PAK1: variants seen among roughly 807,000 people sequenced by gnomAD.
The protein encoded by PAK1 is serine/threonine-protein kinase PAK 1.
PAK1 carries 29 observed loss-of-function variants against 67.4 expected under a neutral mutation model. The observed-to-expected ratio is 0.43, with a 90% CI of 0.32 to 0.59. The LOEUF (loss-of-function observed/expected upper bound fraction) is 0.59, where lower values mean the gene tolerates loss of function less well. Ranked by LOEUF, PAK1 falls within the 20% of genes least tolerant of loss-of-function variation. The pLI is 0.07. For synonymous variants in PAK1, 223 were observed against 237.4 expected (o/e 0.94, Z 0.56); for missense variants, 337 against 670.7 (o/e 0.50, Z 5.50).
intron 1 of PAK1, among the ~76,000 whole-genome samples, chr11:77,449,267 C>G (rs940537720): frequency 6.6e-6 from 1 of 152,150 alleles, no homozygotes; most frequent in Non-Finnish European, 1.5e-5. Context: ...CTAGCCCACA[C>G]AGAAACAGCT....
chr11:77,405,674 GACACACACACACACACACAC>G (rs1555167119), intron 1 of PAK1, among the ~76,000 whole-genome samples: 1 of 125,892 alleles, frequency 7.9e-6, no homozygotes, highest in South Asian at 2.5e-4. Flanking sequence ...CAGACAGACA[GACACACACACACACACACAC>G]ACACACACAC....
intron 1 of PAK1, among the ~76,000 whole-genome samples, chr11:77,404,961 C>A (rs1953263658): frequency 6.6e-6 from 1 of 152,088 alleles, no homozygotes; most frequent in Admixed American, 6.5e-5. Context: ...AATATCAAGT[C>A]CACGTGTATG....
At chr11:77,506,486 C>T in the PAK1 span, among the ~76,000 whole-genome samples, 1 of 152,146 alleles carries the variant, frequency 6.6e-6, no homozygotes, top group Admixed American at 6.5e-5. Context: ...TTTTAGCTGG[C>T]AGGCCCACTG....
intron 1 of PAK1, among the ~76,000 whole-genome samples, chr11:77,436,202 C>A (rs531638): frequency 6.6e-6 from 1 of 151,944 alleles, no homozygotes; most frequent in Non-Finnish European, 1.5e-5. Flanking sequence ...TGTTTCTCAG[C>A]AGACACTTAC....
chr11:77,443,325 G>T (rs917685899), intron 1 of PAK1, among the ~76,000 whole-genome samples: 3 of 134,536 alleles, frequency 2.2e-5, no homozygotes, highest in Non-Finnish European at 4.9e-5. Context: ...AAAAAAAAAA[G>T]AATTATACAA....
chr11:77,518,018 T>C, the PAK1 span, among the ~76,000 whole-genome samples: 1 of 152,216 alleles, frequency 6.6e-6, no homozygotes, highest in African/African-American at 2.4e-5. Flanking sequence ...GTGTGGCCTC[T>C]CTAGATTATT....
chr11:77,519,529 A>T, the PAK1 span, among the ~76,000 whole-genome samples: 1 of 152,210 alleles, frequency 6.6e-6, no homozygotes, highest in African/African-American at 2.4e-5. Context: ...AACACTGATC[A>T]GTGGTTCCAG....
At chr11:77,364,143 G>A (rs932507448) in intron 5 of PAK1, among the ~76,000 whole-genome samples, 8 of 152,206 alleles carry the variant, frequency 5.3e-5, no homozygotes, top group African/African-American at 1.7e-4. Flanking sequence ...GCTGTTCACA[G>A]GCACAGCAGA....
chr11:77,329,532 C>A (rs1202248168), intron 14 of PAK1, among the ~76,000 whole-genome samples: 1 of 152,144 alleles, frequency 6.6e-6, no homozygotes, highest in East Asian at 1.9e-4. Flanking sequence ...AAGACAAAAA[C>A]CACATGATTA....
intron 2 of PAK1, among the ~76,000 whole-genome samples, chr11:77,384,579 G>A (rs1321887709): frequency 6.6e-6 from 1 of 152,216 alleles, no homozygotes; most frequent in Non-Finnish European, 1.5e-5. Context: ...GAAGAGAAAT[G>A]AAGTCCTGAT....
At chr11:77,379,816 G>T in intron 3 of PAK1, 78 bp downstream of exon 3, 1 of 958,550 alleles carries the variant, frequency 1.0e-6, no homozygotes, top group Non-Finnish European at 1.6e-6. Context: ...GCATCAGGAA[G>T]ATGAGAAAGG....
At position 77,337,402 on chromosome 11, in the gene PAK1, A is replaced by G. The variant is rs1382265812; in HGVS notation, c.1138T>C (p.Leu380=). ...CTGTGAATGACCTGGTTCGAATGCAAGAACTCCAGAGCCTGCAGACACTAT... is the reference window on the plus strand; with the variant it reads ...CTGTGAATGACCTGGTTCGAATGCAGGAACTCCAGAGCCTGCAGACACTAT... ...CRECLQALEF[L]HSNQVIHRDI... Residue 380 remains leucine, a synonymous_variant, in exon 12 of 15, where the codon TTG becomes CTG. Coordinates refer to ENST00000356341, the MANE Select transcript of PAK1 (RefSeq NM_002576.5). 1.2e-6 allele frequency: 2 copies of G among 1,607,408 alleles called. No individual in the cohort carries two copies. Among genetic ancestry groups the G allele is most frequent in the East Asian group, 2.2e-5 (1 of 44,832 alleles).
At chr11:77,349,146 G>T in intron 9 of PAK1, 93 bp downstream of exon 9, 664 of 645,084 alleles carry the variant, frequency 1.0e-3, no homozygotes, top group Non-Finnish European at 1.5e-3. Context: ...AAAAAACCTA[G>T]AACTGTTCCT....
At chr11:77,501,532 G>T in the PAK1 span, among the ~76,000 whole-genome samples, 3 of 152,160 alleles carry the variant, frequency 2.0e-5, no homozygotes, top group Non-Finnish European at 4.4e-5. Flanking sequence ...GCTTGAGCAG[G>T]GCTGATCCCA....
At chr11:77,416,746 G>A (rs181005998) in intron 1 of PAK1, among the ~76,000 whole-genome samples, 1 of 152,184 alleles carries the variant, frequency 6.6e-6, no homozygotes. Context: ...GAAGTCAGGA[G>A]ATCAAGACCA....
At position 77,374,331 on chromosome 11, in the gene PAK1, G is replaced by A; in HGVS notation, c.474C>T (p.Ala158=). The change falls in exon 5 of 15, where the codon GCC becomes GCT. Residue 158 remains alanine, a synonymous_variant. Transcript: ENST00000356341. Reference sequence around the variant, plus strand: ...AATAGAGTAAATAAAGACTTACCAAGGCATTAGAAGAATTGTAATCCTCAG... The same window carrying A: ...AATAGAGTAAATAAAGACTTACCAAAGCATTAGAAGAATTGTAATCCTCAG... ...KSAEDYNSSN[A]LNVKAVSETP... 2 of 1,581,922 alleles carry A rather than the reference G, an allele frequency of 1.3e-6. No individual in the cohort carries two copies. Among genetic ancestry groups the A allele is most frequent in the Non-Finnish European group, 1.7e-6 (2 of 1,150,810 alleles).
chr11:77,409,715 C>A (rs965208310), intron 1 of PAK1, among the ~76,000 whole-genome samples: 2 of 151,798 alleles, frequency 1.3e-5, no homozygotes, highest in Non-Finnish European at 2.9e-5. Flanking sequence ...CATGTTCTCA[C>A]TCATATGTAG....
At chr11:77,426,078 CTTT>C (rs35602138) in intron 1 of PAK1, among the ~76,000 whole-genome samples, 16 of 117,212 alleles carry the variant, frequency 1.4e-4, no homozygotes, top group East Asian at 2.4e-4. Flanking sequence ...TTGAAGGCCT[CTTT>C]TTTTTTTTTT....
chr11:77,384,011 G>T (rs1340174436), intron 2 of PAK1, among the ~76,000 whole-genome samples: 1 of 152,218 alleles, frequency 6.6e-6, no homozygotes, highest in Admixed American at 6.5e-5. Context: ...GGACAATGGT[G>T]CATGCTCTGT....
Sources: allele counts gnomAD v4.1 joint callset (sites outside exome capture counted in the v4.1 genomes callset), GRCh38; gene constraint gnomAD v4.1.1; transcripts MANE v1.5; gene names NCBI Gene and HGNC (gene_info 2026-07-23, HGNC 2026-07-21).